Variants in MAD1L1 observed in about 807,000 individuals in gnomAD.
MAD1L1 encodes mitotic spindle assembly checkpoint protein MAD1.
In MAD1L1, 95 loss-of-function variants were observed where a neutral mutation model predicts 96.9. That is an observed-to-expected ratio of 0.98 (90% CI 0.83 to 1.16). The LOEUF (loss-of-function observed/expected upper bound fraction) is 1.16. Among genes scored for constraint, MAD1L1 ranks in the 50% most tolerant of loss-of-function variants. The pLI, the probability that MAD1L1 is intolerant of heterozygous loss-of-function variation, is 0.00. For missense variants in MAD1L1, 1,007 were observed against 954.4 expected, an observed-to-expected ratio of 1.06 and a Z score of -0.73; for synonymous variants, 473 against 396.6, an observed-to-expected ratio of 1.19 and a Z score of -2.29.
rs370111704 is a variant in MAD1L1 at position 2,174,249 on chromosome 7, C to T, written c.987-25011G>A. 1.3e-5 allele frequency among the ~76,000 whole-genome samples: 2 copies of T among 152,228 alleles called. 1 individual carries two copies. ...ATTATTTTCCTGCAACTCTAGACCA[C>T]ATTGCTTTACTGTGCACTAAATTCC... is the stretch of plus-strand genomic sequence containing the variant. On this transcript the variant is annotated intron_variant, in intron 10 of 18. Transcript: ENST00000265854.
chr7:1,895,696 C>T (rs1203439660), intron 18 of MAD1L1, among the ~76,000 whole-genome samples: 1 of 152,254 alleles, frequency 6.6e-6, no homozygotes, highest in Non-Finnish European at 1.5e-5. Flanking sequence ...TCTGCGGGCA[C>T]CAGGCCTTGC....
At chr7:1,852,929 T>C (rs4721121) in intron 18 of MAD1L1, among the ~76,000 whole-genome samples, 54,241 of 152,150 alleles carry the variant, frequency 0.36, 9,809 homozygotes, top group East Asian at 0.45. Flanking sequence ...CTGCATCATT[T>C]ATCCGGGCCT....
At chr7:1,871,605 C>T (rs577182384) in intron 18 of MAD1L1, among the ~76,000 whole-genome samples, 4 of 145,480 alleles carry the variant, frequency 2.7e-5, no homozygotes, top group African/African-American at 1.0e-4. Flanking sequence ...ACCTGCCACG[C>T]CGAACCCACC....
At chr7:2,034,013 T>G (rs1310817353) in intron 12 of MAD1L1, among the ~76,000 whole-genome samples, 1 of 152,138 alleles carries the variant, frequency 6.6e-6, no homozygotes, top group Non-Finnish European at 1.5e-5. Context: ...GGAGGATATA[T>G]TGAGCCCTGG....
At chr7:1,984,358 G>A (rs1781052753) in intron 14 of MAD1L1, among the ~76,000 whole-genome samples, 1 of 152,126 alleles carries the variant, frequency 6.6e-6, no homozygotes, top group Admixed American at 6.5e-5. Flanking sequence ...TAATCTTTGT[G>A]AATGTTTTCT....
chr7:2,004,632 C>T (rs929244840), intron 13 of MAD1L1, among the ~76,000 whole-genome samples: 4 of 152,202 alleles, frequency 2.6e-5, no homozygotes, highest in Admixed American at 6.5e-5. Flanking sequence ...AGGGTCCTGC[C>T]GAGGCCAGGC....
chr7:2,117,911 T>C (rs949455118), intron 11 of MAD1L1, among the ~76,000 whole-genome samples: 1 of 152,082 alleles, frequency 6.6e-6, no homozygotes, highest in Non-Finnish European at 1.5e-5. Flanking sequence ...CTCACTTGTA[T>C]CCACAAACAT....
chr7:2,024,636 T>C (rs1303868553), intron 12 of MAD1L1, among the ~76,000 whole-genome samples: 1 of 152,196 alleles, frequency 6.6e-6, no homozygotes, highest in African/African-American at 2.4e-5. Context: ...ACGCTTCAAA[T>C]GATCACTCAG....
intron 18 of MAD1L1, among the ~76,000 whole-genome samples, chr7:1,843,384 G>A (rs1015888753): frequency 3.9e-5 from 6 of 152,150 alleles, no homozygotes; most frequent in African/African-American, 9.7e-5. Flanking sequence ...CAGGGAGGCC[G>A]CAATGAAGGC....
intron 17 of MAD1L1, among the ~76,000 whole-genome samples, chr7:1,911,409 C>G (rs912488781): frequency 2.0e-5 from 3 of 152,206 alleles, no homozygotes; most frequent in Non-Finnish European, 4.4e-5. Flanking sequence ...AGAGTCAGAG[C>G]CCAGCTTCGG....
chr7:1,989,718 T>C (rs535315869), intron 14 of MAD1L1, among the ~76,000 whole-genome samples: 10 of 152,194 alleles, frequency 6.6e-5, no homozygotes, highest in African/African-American at 2.4e-4. Flanking sequence ...TGGATCAGCC[T>C]CAGCACAGGT....
At chr7:2,014,366 T>A in intron 13 of MAD1L1, 136 bp downstream of exon 13, 1 of 1,181,540 alleles carries the variant, frequency 8.5e-7, no homozygotes. Context: ...GTGGACACCC[T>A]CCCTGACAGA....
At position 2,091,509 on chromosome 7, in the gene MAD1L1, C is replaced by T. The variant is rs540622984; in HGVS notation, c.1074-22171G>A. Among the ~76,000 whole-genome samples the T allele has an allele frequency of 3.3e-4, 51 of 152,380 alleles. 1 individual carries two copies. The South Asian group carries it at 0.01, about 31-fold the overall frequency. On this transcript the variant is annotated intron_variant, in intron 11 of 18. Transcript: ENST00000265854. ...AGATCCATCTGGCCGGACACGGTAG[C>T]TCACGCCTATGATCCCAGCACTTTG... is the stretch of plus-strand genomic sequence containing the variant.
At chr7:2,220,693 G>A (rs1323344141) in intron 5 of MAD1L1, among the ~76,000 whole-genome samples, 1 of 152,216 alleles carries the variant, frequency 6.6e-6, no homozygotes, top group African/African-American at 2.4e-5. Context: ...TATCACCGCT[G>A]TCCACCCCAC....
At chr7:1,937,479 G>A (rs1171612302) in intron 16 of MAD1L1, among the ~76,000 whole-genome samples, 1 of 152,162 alleles carries the variant, frequency 6.6e-6, no homozygotes, top group African/African-American at 2.4e-5. Flanking sequence ...GGAGGAGTGC[G>A]CCTGGAGGCC....
At position 2,106,480 on chromosome 7, in the gene MAD1L1, A is replaced by T. The variant is rs565651351; in HGVS notation, c.1074-37142T>A. Among the ~76,000 whole-genome samples, 522 of 150,868 alleles carry T rather than the reference A, an allele frequency of 3.5e-3. 1 individual carries two copies. Among genetic ancestry groups the T allele is most frequent in the African/African-American group, 0.012 (505 of 41,168 alleles). ...CGCTCCTGGAAACCTGTGCCAAGCC[A>T]GCAGGCTCTCCGAGGCTCCCTCTCC... On this transcript the variant is annotated intron_variant, in intron 11 of 18. Transcript: ENST00000265854.
At chr7:1,883,480 T>G (rs1785814232) in intron 18 of MAD1L1, among the ~76,000 whole-genome samples, 1 of 152,156 alleles carries the variant, frequency 6.6e-6, no homozygotes, top group Non-Finnish European at 1.5e-5. Flanking sequence ...CCCATTTCCA[T>G]GGGAATCAGC....
intron 11 of MAD1L1, among the ~76,000 whole-genome samples, chr7:2,135,946 C>T (rs563754352): frequency 1.8e-4 from 27 of 152,358 alleles, no homozygotes; most frequent in African/African-American, 5.1e-4. Context: ...CGCGGCCCAA[C>T]GCTCTCTAGT....
chr7:1,840,559 G>A (rs183770363), intron 18 of MAD1L1, among the ~76,000 whole-genome samples: 124 of 152,190 alleles, frequency 8.1e-4, no homozygotes, highest in African/African-American at 2.8e-3. Context: ...GCAAAACCCC[G>A]TCTCTACTAA....
Sources: gnomAD v4.1 joint callset for allele counts (sites outside exome capture counted in the v4.1 genomes callset) on GRCh38, gnomAD v4.1.1 for gene constraint, MANE v1.5 for transcripts, NCBI Gene and HGNC (gene_info 2026-07-23, HGNC 2026-07-21) for gene names.